Variants in GUCY1A2 observed in about 807,000 individuals in gnomAD.
GUCY1A2 encodes the protein guanylate cyclase 1 soluble subunit alpha 2, also known as guanylate cyclase soluble subunit alpha-2.
Under a neutral mutation model 63.5 loss-of-function variants are expected in GUCY1A2, and 27 were observed. That is an observed-to-expected ratio of 0.43 (90% confidence interval 0.31 to 0.59). The LOEUF is 0.59. Among genes scored for constraint, GUCY1A2 ranks in the 20% least tolerant of loss-of-function variants. The probability of loss-of-function intolerance (pLI) is 0.11; values close to 1 mark genes in which losing one functional copy is unlikely to be tolerated. For synonymous variants in GUCY1A2, 364 were observed against 343.5 expected (o/e 1.06, Z -0.66); for missense variants, 768 against 913.3 (o/e 0.84, Z 2.05).
chr11:106,712,444 A>G (rs1017226493), intron 6 of GUCY1A2, among the ~76,000 whole-genome samples: 1 of 152,190 alleles, frequency 6.6e-6, no homozygotes, highest in Non-Finnish European at 1.5e-5. Flanking sequence ...TTGTCTGCTA[A>G]TTCTAAGATC....
chr11:106,928,523 A>G (rs1279928364), intron 4 of GUCY1A2, among the ~76,000 whole-genome samples: 1 of 152,150 alleles, frequency 6.6e-6, no homozygotes, highest in Non-Finnish European at 1.5e-5. Context: ...ATTAGGAAAA[A>G]CGGAAAACGA....
chr11:106,856,425 CT>C (rs140698714), intron 4 of GUCY1A2, among the ~76,000 whole-genome samples: 11 of 150,946 alleles, frequency 7.3e-5, no homozygotes, highest in Non-Finnish European at 1.0e-4. Context: ...AAAGATCTGC[CT>C]TTTTTTTTCT....
rs181479267 is a variant in GUCY1A2 at position 107,009,589 on chromosome 11, C to T, written c.303+8164G>A. On this transcript the variant is annotated intron_variant, in intron 1 of 7. Transcript: ENST00000526355. The stretch of plus-strand genomic sequence containing the variant: ...ACATAAGCAGTTAACAAAACATCCT[C>T]GGGAAAAACGGGCAGAGTCCACAGA... Among the ~76,000 whole-genome samples, 386 of 152,272 alleles carry T rather than the reference C, an allele frequency of 2.5e-3. 1 individual carries two copies. The highest frequency in any genetic ancestry group is 8.7e-3 in the African/African-American group (362 of 41,560).
chr11:106,720,235 G>A (rs1863292072), intron 6 of GUCY1A2, among the ~76,000 whole-genome samples: 2 of 152,176 alleles, frequency 1.3e-5, no homozygotes, highest in East Asian at 1.9e-4. Flanking sequence ...TGGCAACCCA[G>A]GCTCATTTAT....
intron 4 of GUCY1A2, among the ~76,000 whole-genome samples, chr11:106,884,436 G>A (rs1056756945): frequency 4.6e-5 from 7 of 152,086 alleles, no homozygotes; most frequent in Non-Finnish European, 8.8e-5. Context: ...AAAATAGCAC[G>A]TACAATGTCT....
intron 6 of GUCY1A2, among the ~76,000 whole-genome samples, chr11:106,745,982 T>C (rs3858425): frequency 0.39 from 58,516 of 151,988 alleles, 11,694 homozygotes; most frequent in African/African-American, 0.46. Context: ...GTATCTATTA[T>C]AGAAACAAAT....
At chr11:106,900,140 C>A (rs1416783300) in intron 4 of GUCY1A2, among the ~76,000 whole-genome samples, 2 of 151,160 alleles carry the variant, frequency 1.3e-5, no homozygotes, top group South Asian at 2.1e-4. Flanking sequence ...ATGTAAGATG[C>A]CTGATAACTG....
chr11:106,959,851 G>C (rs1395972223), intron 3 of GUCY1A2, among the ~76,000 whole-genome samples: 6 of 152,188 alleles, frequency 3.9e-5, no homozygotes, highest in African/African-American at 1.4e-4. Context: ...CCTTTCATGA[G>C]AATGACCCAA....
At chr11:106,708,478 C>A (rs12420232) in intron 7 of GUCY1A2, 34 bp downstream of exon 7, 592,887 of 1,573,996 alleles carry the variant, frequency 0.38, 116,148 homozygotes, top group East Asian at 0.66. Context: ...AAACAAAGGC[C>A]AAGACAGGAA....
At chr11:106,973,923 C>A (rs796208741) in intron 3 of GUCY1A2, among the ~76,000 whole-genome samples, 1 of 151,996 alleles carries the variant, frequency 6.6e-6, no homozygotes, top group Non-Finnish European at 1.5e-5. Flanking sequence ...CTCATTTAAT[C>A]GTCTTGGCAA....
chr11:106,699,837 A>G (rs1862786912), intron 7 of GUCY1A2, among the ~76,000 whole-genome samples: 1 of 150,674 alleles, frequency 6.6e-6, no homozygotes. Flanking sequence ...GCTGGAGTGC[A>G]GTGGCGCCAT....
chr11:107,009,222 G>A (rs1280462869), intron 1 of GUCY1A2, among the ~76,000 whole-genome samples: 2 of 152,138 alleles, frequency 1.3e-5, no homozygotes, highest in Non-Finnish European at 2.9e-5. Flanking sequence ...AGGTTTGAGA[G>A]GTGGCCCTAT....
At chr11:106,927,895 G>T (rs1230563487) in intron 4 of GUCY1A2, among the ~76,000 whole-genome samples, 1 of 152,050 alleles carries the variant, frequency 6.6e-6, no homozygotes, top group Non-Finnish European at 1.5e-5. Context: ...TATAACCACA[G>T]AACAGGGTAG....
At chr11:106,689,837 CA>C (rs894553701) in intron 7 of GUCY1A2, among the ~76,000 whole-genome samples, 1 of 151,034 alleles carries the variant, frequency 6.6e-6, no homozygotes, top group African/African-American at 2.4e-5. Flanking sequence ...ATTAAAAATA[CA>C]AAAAAAATTA....
intron 5 of GUCY1A2, among the ~76,000 whole-genome samples, chr11:106,800,167 G>A (rs1208260322): frequency 6.6e-6 from 1 of 152,170 alleles, no homozygotes; most frequent in East Asian, 1.9e-4. Flanking sequence ...TCAGAGAAAT[G>A]CAAATCAAAA....
rs1173615856 is a variant in GUCY1A2, at chr11:107,017,927, G to C, written c.129C>G (p.Pro43=). 2.3e-6 allele frequency: 3 copies of C among 1,320,314 alleles called. No homozygotes were observed. The highest frequency in any genetic ancestry group is 3.1e-5 in the East Asian group (1 of 32,074). 81.8% of individuals were successfully genotyped at this position (1,320,314 alleles called of 1,614,324 possible). ...CGGCCGGGCTGGGCTCCAGCGGCCCGGGCGGGCTCCGGCTGCCATTCCAGC... is the reference window on the plus strand; with the variant it reads ...CGGCCGGGCTGGGCTCCAGCGGCCCCGGCGGGCTCCGGCTGCCATTCCAGC... ...RLCWNGSRSP[P]GPLEPSPAAA... The change falls in exon 1 of 8, where the codon CCC becomes CCG. Residue 43 remains proline (P), a synonymous_variant. Coordinates refer to ENST00000526355, the MANE Select transcript of GUCY1A2 (RefSeq NM_000855.3).
intron 4 of GUCY1A2, among the ~76,000 whole-genome samples, chr11:106,904,836 C>T (rs1436901628): frequency 2.0e-5 from 3 of 151,216 alleles, no homozygotes; most frequent in Non-Finnish European, 4.4e-5. Flanking sequence ...AAGTATGATG[C>T]CAATTGGTAA....
At chr11:106,892,524 G>A (rs191973801) in intron 4 of GUCY1A2, among the ~76,000 whole-genome samples, 150 of 152,228 alleles carry the variant, frequency 9.9e-4, no homozygotes, top group African/African-American at 3.4e-3. Flanking sequence ...GTCCTGAAAT[G>A]TGTCAATCTT....
Position 106,915,702 on chromosome 11 carries a change from G to T in GUCY1A2, c.1206+23758C>A, listed in dbSNP as rs7102373. On this transcript the variant is annotated intron_variant, in intron 4 of 7. Coordinates refer to ENST00000526355, the MANE Select transcript of GUCY1A2 (RefSeq NM_000855.3). ...GATCATAGAAAAAGGGTGCTTCTTC[G>T]TTCAACCCAATTTTAATATAAATGA... Among the ~76,000 whole-genome samples the T allele has an allele frequency of 1.4e-3, 199 of 144,844 alleles. 7 individuals are homozygous for T. The highest frequency in any genetic ancestry group is 4.6e-3 in the African/African-American group (187 of 40,824).
Sources: gnomAD v4.1 joint callset for allele counts (sites outside exome capture counted in the v4.1 genomes callset) on GRCh38, gnomAD v4.1.1 for gene constraint, MANE v1.5 for transcripts, NCBI Gene and HGNC (gene_info 2026-07-23, HGNC 2026-07-21) for gene names.